The following TMLHE variants were observed in gnomAD, a reference collection of about 807,000 sequenced individuals.
The protein encoded by TMLHE is trimethyllysine dioxygenase, mitochondrial.
TMLHE carries 18 observed loss-of-function variants against 25.7 expected under a neutral mutation model. The observed-to-expected ratio is 0.70, with a 90% confidence interval of 0.48 to 1.04. TMLHE has a LOEUF of 1.04. TMLHE is among the 50% of genes least tolerant of loss of function. The probability of loss-of-function intolerance (pLI) is 0.00; values close to 1 mark genes in which losing one functional copy is unlikely to be tolerated. For missense variants in TMLHE, 236 were observed against 259.0 expected (o/e 0.91, Z 0.61); for synonymous variants, 105 against 97.0 (o/e 1.08, Z -0.49).
chrX:155,581,979 T>C (rs1217997896), intron 1 of TMLHE, among the ~76,000 whole-genome samples: 3 of 111,520 alleles, frequency 2.7e-5, no homozygotes, highest in Non-Finnish European at 5.6e-5. Flanking sequence ...AACAGAGATA[T>C]AGACCAAGGG....
intron 1 of TMLHE, among the ~76,000 whole-genome samples, chrX:155,548,473 T>TGA (rs2067373397): frequency 1.8e-5 from 2 of 110,492 alleles, no homozygotes; most frequent in East Asian, 5.8e-4. Flanking sequence ...CGGTGGCTCA[T>TGA]GCCTGAAATC....
chrX:155,590,664 G>C (rs1266277060), intron 1 of TMLHE, among the ~76,000 whole-genome samples: 3 of 110,911 alleles, frequency 2.7e-5, no homozygotes, highest in Non-Finnish European at 5.7e-5. Flanking sequence ...ATAAACCCTA[G>C]AGAAACCAGT....
chrX:155,576,209 CCAA>C (rs1252118094), intron 1 of TMLHE, among the ~76,000 whole-genome samples: 1 of 111,495 alleles, frequency 9.0e-6, no homozygotes, highest in African/African-American at 3.3e-5. Context: ...TTTCTATACA[CCAA>C]CAACATCTAA....
chrX:155,521,909 G>GCGCC (rs2067189380), intron 3 of TMLHE, among the ~76,000 whole-genome samples: 1 of 93,093 alleles, frequency 1.1e-5, no homozygotes, highest in Non-Finnish European at 2.1e-5. Context: ...ACACTGGCCT[G>GCGCC]CGCCCACTGT....
chrX:155,537,434 C>A lies in TMLHE; in HGVS notation c.181+7662G>T, dbSNP rs999918032. The stretch of plus-strand genomic sequence containing the variant: ...ATCCTTTCCCTGTCATCCTTGGCAA[C>A]TTCATCATCATTAATGACAGTACTC... On this transcript the variant is annotated intron_variant, in intron 2 of 7. Transcript: ENST00000334398. Among the ~76,000 whole-genome samples the A allele has an allele frequency of 1.4e-4, 16 of 111,140 alleles. No homozygotes were observed. The South Asian group carries it at 5.8e-3, about 40-fold the overall frequency.
intron 1 of TMLHE, among the ~76,000 whole-genome samples, chrX:155,591,594 G>A (rs1406161210): frequency 1.8e-5 from 2 of 111,408 alleles, no homozygotes; most frequent in Admixed American, 1.9e-4. Flanking sequence ...AAGAAACCAA[G>A]GGGAAATTTT....
chrX:155,542,012 GTAGTTTCTTTTGC>G (rs2067315809), intron 2 of TMLHE, among the ~76,000 whole-genome samples: 1 of 110,838 alleles, frequency 9.0e-6, no homozygotes, highest in Non-Finnish European at 1.9e-5. Context: ...CACTCTGATG[GTAGTTTCTTTTGC>G]TGTGGAGAAG....
intron 1 of TMLHE, among the ~76,000 whole-genome samples, chrX:155,550,088 G>A (rs782328746): frequency 4.6e-4 from 51 of 110,718 alleles, no homozygotes; most frequent in Admixed American, 6.7e-4. Context: ...ATTCCGTGGC[G>A]TATATGTGCC....
Position 155,588,030 on chromosome X carries a change from C to T in TMLHE, c.-2+24762G>A, listed in dbSNP as rs782175330. 1.2e-4 allele frequency among the ~76,000 whole-genome samples: 13 copies of T among 111,450 alleles called. No individual in the cohort carries two copies. In the East Asian group the frequency reaches 1.7e-3, roughly 14 times the overall value. The stretch of plus-strand genomic sequence containing the variant: ...ATTTGTATGGAACTAAAACAGAGCC[C>T]GAGTAGCCAAAGCAATACTAAGCAA... On this transcript the variant is annotated intron_variant, in intron 1 of 7. Transcript: ENST00000334398.
At chrX:155,547,234 T>C (rs1386116222) in intron 1 of TMLHE, among the ~76,000 whole-genome samples, 1 of 91,297 alleles carries the variant, frequency 1.1e-5, no homozygotes, top group Admixed American at 1.2e-4. Flanking sequence ...AAGCTCCGCC[T>C]CCCGGGTTCA....
chrX:155,507,205 T>A, intron 5 of TMLHE, 71 bp from the exon 6 acceptor site: 1 of 676,010 alleles, frequency 1.5e-6, no homozygotes, highest in Non-Finnish European at 2.3e-6. Context: ...AAATTATATA[T>A]AAAATGATTA....
intron 1 of TMLHE, among the ~76,000 whole-genome samples, chrX:155,595,102 A>C (rs985573026): frequency 1.8e-5 from 2 of 111,985 alleles, no homozygotes. Flanking sequence ...AAAAAGTTAA[A>C]ATTTGTCAAA....
In TMLHE at chrX:155,572,804, T is replaced by A. The variant is rs1458271471; in HGVS notation, c.-1-27527A>T. Among the ~76,000 whole-genome samples the A allele has an allele frequency of 2.2e-3, 125 of 56,367 alleles. 15 individuals carry two copies. The highest frequency in any genetic ancestry group is 5.2e-3 in the African/African-American group (122 of 23,666). 48.9% of individuals were successfully genotyped at this position (56,367 alleles called of 115,157 possible). A position where few individuals can be genotyped will look rare whatever the true frequency, so the allele number is the denominator to read the frequency against. The stretch of plus-strand genomic sequence containing the variant: ...CCATATGTAGAAAGCTGAAACTGGA[T>A]CCCTTCCTTACACCTTATACAAAAA... On this transcript the variant is annotated intron_variant, in intron 1 of 7. Transcript: ENST00000334398.
At chrX:155,528,034 G>A (rs2067229429) in intron 2 of TMLHE, among the ~76,000 whole-genome samples, 1 of 111,012 alleles carries the variant, frequency 9.0e-6, no homozygotes, top group East Asian at 2.8e-4. Flanking sequence ...CGTATGAACT[G>A]CCCCCAGCCT....
At chrX:155,612,430 A>G (rs1358895838) in intron 1 of TMLHE, 2 of 112,080 alleles carry the variant, frequency 1.8e-5, no homozygotes, top group Non-Finnish European at 3.8e-5. Flanking sequence ...CAAGTCAGTG[A>G]CAGATCCAGG....
intron 2 of TMLHE, among the ~76,000 whole-genome samples, chrX:155,537,683 G>A (rs782453939): frequency 1.8e-5 from 2 of 109,624 alleles, no homozygotes; most frequent in African/African-American, 6.6e-5. Context: ...ATATTCCATG[G>A]TCCATCATTT....
chrX:155,548,543 GACTAA>G (rs2067380182), intron 1 of TMLHE, among the ~76,000 whole-genome samples: 1 of 107,518 alleles, frequency 9.3e-6, no homozygotes, highest in African/African-American at 3.6e-5. Context: ...AGGCCAGCCT[GACTAA>G]CATGGTGAAA....
At chrX:155,579,513 T>A (rs1171813104) in intron 1 of TMLHE, among the ~76,000 whole-genome samples, 1 of 112,095 alleles carries the variant, frequency 8.9e-6, no homozygotes, top group Non-Finnish European at 1.9e-5. Context: ...AGACACCCTT[T>A]ATTTTTCTTT....
chrX:155,547,203 G>C (rs782447695), intron 1 of TMLHE, among the ~76,000 whole-genome samples: 85 of 94,585 alleles, frequency 9.0e-4, no homozygotes, highest in Non-Finnish European at 1.3e-3. Context: ...GGAGTGCAGT[G>C]GCGCTATCTC....
Sources: allele counts gnomAD v4.1 joint callset (sites outside exome capture counted in the v4.1 genomes callset), GRCh38; gene constraint gnomAD v4.1.1; transcripts MANE v1.5; gene names NCBI Gene and HGNC (gene_info 2026-07-23, HGNC 2026-07-21).